MBD2: variants seen among roughly 807,000 people sequenced by gnomAD.
The protein encoded by MBD2 is methyl-CpG binding domain protein 2.
MBD2 carries 9 observed loss-of-function variants against 39.3 expected under a neutral mutation model. The ratio of observed to expected loss-of-function variants is 0.23; its 90% confidence interval spans 0.14 to 0.40. The LOEUF is 0.40. Among genes scored for constraint, MBD2 ranks in the 10% least tolerant of loss-of-function variants. The pLI is 1.00. For missense variants in MBD2, 458 were observed against 532.6 expected, an observed-to-expected ratio of 0.86 and a Z score of 1.38; for synonymous variants, 233 against 211.1, an observed-to-expected ratio of 1.10 and a Z score of -0.90.
At chr18:54,187,497 A>G (rs1012318023) in intron 3 of MBD2, among the ~76,000 whole-genome samples, 1 of 152,356 alleles carries the variant, frequency 6.6e-6, no homozygotes, top group East Asian at 1.9e-4. Flanking sequence ...CGGCTTTATC[A>G]AGGTGGGCAA....
chr18:54,214,649 G>T (rs1169712398), intron 1 of MBD2, among the ~76,000 whole-genome samples: 2 of 152,058 alleles, frequency 1.3e-5, no homozygotes, highest in Non-Finnish European at 2.9e-5. Context: ...CGAAGAGAAA[G>T]GAGCTAACAT....
intron 3 of MBD2, among the ~76,000 whole-genome samples, chr18:54,177,406 C>T (rs1048313151): frequency 6.6e-6 from 1 of 152,090 alleles, no homozygotes; most frequent in Non-Finnish European, 1.5e-5. Context: ...AGATAAGGAT[C>T]TATCATTAGT....
Position 54,151,894 on chromosome 18 carries a change from A to G in MBD2, c.*3430T>C, listed in dbSNP as rs1599068821. 1 of 151,708 alleles carries G rather than the reference A, an allele frequency of 6.6e-6. No individual in the cohort carries two copies. Among genetic ancestry groups the G allele is most frequent in the East Asian group, 1.9e-4 (1 of 5,168 alleles). 9.4% of individuals were successfully genotyped at this position (151,708 alleles called of 1,614,324 possible). A position where few individuals can be genotyped will look rare whatever the true frequency, so the allele number is the denominator to read the frequency against. On this transcript the variant is annotated 3_prime_UTR_variant, in exon 7 of 7. Coordinates refer to ENST00000256429, the MANE Select transcript of MBD2 (RefSeq NM_003927.5). ...CATTTCTTTCCTTTATAATACATAC[A>G]GCTTCTAACACTTTTCCAACTGCAT...
At chr18:54,197,687 T>G (rs2086376764) in intron 2 of MBD2, among the ~76,000 whole-genome samples, 1 of 152,204 alleles carries the variant, frequency 6.6e-6, no homozygotes, top group South Asian at 2.1e-4. Context: ...AATCCTATTT[T>G]CAAGAGATTT....
At chr18:54,203,168 G>C (rs747957467) in intron 2 of MBD2, 17 of 1,595,024 alleles carry the variant, frequency 1.1e-5, no homozygotes, top group African/African-American at 2.7e-5. Flanking sequence ...TGAAACATAA[G>C]TGTCAGAAAA....
intron 1 of MBD2, among the ~76,000 whole-genome samples, chr18:54,214,505 T>C (rs956464095): frequency 1.3e-5 from 2 of 151,922 alleles, no homozygotes; most frequent in African/African-American, 2.4e-5. Flanking sequence ...GACCTATGCA[T>C]AATATTTTTT....
chr18:54,197,722 C>G (rs182875833), intron 2 of MBD2, among the ~76,000 whole-genome samples: 1 of 152,168 alleles, frequency 6.6e-6, no homozygotes, highest in Non-Finnish European at 1.5e-5. Flanking sequence ...TCTATCTCCA[C>G]GGGCACGCGT....
chr18:54,162,235 A>C (rs2086103057), intron 5 of MBD2, among the ~76,000 whole-genome samples: 1 of 152,232 alleles, frequency 6.6e-6, no homozygotes. Context: ...TTTAAGCTGC[A>C]AAGTTTGTGA....
intron 3 of MBD2, among the ~76,000 whole-genome samples, chr18:54,168,611 ATT>A: frequency 1.0e-5 from 1 of 98,618 alleles, no homozygotes; most frequent in Non-Finnish European, 1.9e-5. Context: ...ATGTATGCAT[ATT>A]TGTGTGTGTG....
Position 54,224,644 on chromosome 18 carries a change from G to T in MBD2, c.-85C>A. The T allele has an allele frequency of 3.0e-6, 3 of 1,010,488 alleles. No homozygotes were observed. The highest frequency in any genetic ancestry group is 3.8e-6 in the Non-Finnish European group (3 of 786,568). 62.6% of individuals were successfully genotyped at this position (1,010,488 alleles called of 1,614,324 possible). ...AGACCCGCCCCGCCCGCAGCGCGGC[G>T]CGCGGGGGACGCGCGCAAGCATCAT... is the stretch of plus-strand genomic sequence containing the variant. On this transcript the variant is annotated 5_prime_UTR_variant, in exon 1 of 7. Transcript: ENST00000256429.
intron 3 of MBD2, among the ~76,000 whole-genome samples, chr18:54,183,958 C>T (rs112227340): frequency 0.029 from 4,433 of 152,098 alleles, 211 homozygotes; most frequent in African/African-American, 0.099. Context: ...GATATTCCTT[C>T]AAGTTCAGTT....
intron 1 of MBD2, among the ~76,000 whole-genome samples, chr18:54,223,293 A>G (rs548959834): frequency 1.3e-5 from 2 of 152,320 alleles, no homozygotes; most frequent in East Asian, 1.9e-4. Context: ...ACAGGTGACA[A>G]TTTGGGCCAG....
At chr18:54,160,073 T>A in intron 5 of MBD2, 170 bp from the exon 6 acceptor site, 1 of 636,152 alleles carries the variant, frequency 1.6e-6, no homozygotes. Flanking sequence ...ACCTCACCAA[T>A]GAGCCTTGCC....
At position 54,214,095 on chromosome 18, in the gene MBD2, C is replaced by T. The variant is rs180842277; in HGVS notation, c.543-8938G>A. On this transcript the variant is annotated intron_variant, in intron 1 of 6. Transcript: ENST00000256429. ...TAATGACTGTCATTACTTCACTATA[C>T]TCTTCTATATTTTCCCAACTTTCCC... 8.1e-5 allele frequency among the ~76,000 whole-genome samples: 12 copies of T among 148,898 alleles called. No homozygotes were observed. The East Asian group carries it at 9.9e-4, about 12-fold the overall frequency.
At chr18:54,175,011 A>G (rs975333128) in intron 3 of MBD2, among the ~76,000 whole-genome samples, 2 of 152,250 alleles carry the variant, frequency 1.3e-5, no homozygotes, top group African/African-American at 2.4e-5. Flanking sequence ...GCAGGTAGCT[A>G]TCAGTAGGTC....
At chr18:54,173,970 T>C (rs1388339140) in intron 3 of MBD2, among the ~76,000 whole-genome samples, 72 of 152,176 alleles carry the variant, frequency 4.7e-4, no homozygotes, top group Admixed American at 4.5e-3. Flanking sequence ...TCAAAAGAGC[T>C]GTGAGCTTGT....
At chr18:54,216,224 C>T (rs1012109790) in intron 1 of MBD2, among the ~76,000 whole-genome samples, 3 of 152,154 alleles carry the variant, frequency 2.0e-5, no homozygotes, top group East Asian at 3.8e-4. Flanking sequence ...TACATCAACA[C>T]TACACACACA....
intron 3 of MBD2, among the ~76,000 whole-genome samples, chr18:54,185,696 T>G (rs982331108): frequency 1.8e-4 from 28 of 152,262 alleles, no homozygotes; most frequent in Admixed American, 1.8e-3. Context: ...CTGTTTGGGA[T>G]AATAGTCTGA....
chr18:54,224,287 GCCCCGGCCCCGTCCCCGT>G lies in MBD2; in HGVS notation c.255_272del (p.Gly91_Arg96del). On this transcript the variant is annotated inframe_deletion, in exon 1 of 7. Coordinates refer to ENST00000256429, the MANE Select transcript of MBD2 (RefSeq NM_003927.5). ...CACTCGGGGGACGGCCGCGGCCCCGGCCCCGGCCCCGTCCCCGTCCCCGGCCACGGCCCCGGCCCCGGC... is the reference window on the plus strand; with the variant it reads ...CACTCGGGGGACGGCCGCGGCCCCGGCCCCGGCCACGGCCCCGGCCCCGGC... 1 of 943,256 alleles carries G rather than the reference GCCCCGGCCCCGTCCCCGT, an allele frequency of 1.1e-6. No individual in the cohort carries two copies. Among genetic ancestry groups the G allele is most frequent in the Non-Finnish European group, 1.3e-6 (1 of 794,678 alleles). 58.4% of individuals were successfully genotyped at this position (943,256 alleles called of 1,614,324 possible).
Sources: allele counts gnomAD v4.1 joint callset (sites outside exome capture counted in the v4.1 genomes callset), GRCh38; gene constraint gnomAD v4.1.1; transcripts MANE v1.5; gene names NCBI Gene and HGNC (gene_info 2026-07-23, HGNC 2026-07-21).